RIF1: variants seen among roughly 807,000 people sequenced by gnomAD.
The protein encoded by RIF1 is telomere-associated protein RIF1.
Under a neutral mutation model 247.1 loss-of-function variants are expected in RIF1, and 45 were observed. That is an observed-to-expected ratio of 0.18 (90% CI 0.14 to 0.23). The LOEUF (loss-of-function observed/expected upper bound fraction) is 0.23, where lower values mean the gene tolerates loss of function less well. Ranked by LOEUF, RIF1 falls within the 10% of genes least tolerant of loss-of-function variation. The pLI is 1.00. For synonymous variants in RIF1, 1,087 were observed against 978.8 expected (o/e 1.11, Z -2.06); for missense variants, 2,967 against 2,862.5 (o/e 1.04, Z -0.83).
Position 151,468,038 on chromosome 2 carries a change from A to G in RIF1, c.6639A>G (p.Ala2213=). 3 of 1,613,762 alleles carry G rather than the reference A, an allele frequency of 1.9e-6. No homozygotes were observed. Among genetic ancestry groups the G allele is most frequent in the Non-Finnish European group, 2.5e-6 (3 of 1,179,838 alleles). Residue 2213 remains alanine, a synonymous_variant, in exon 31 of 36, where the codon GCA becomes GCG. Transcript: ENST00000444746. ...RVSFADPIYQ[A]GLADDIDRRC... The stretch of plus-strand genomic sequence containing the variant: ...CCTTTGCAGATCCAATATACCAAGC[A>G]GGATTGGCAGATGACATTGATAGAC...
intron 34 of RIF1, among the ~76,000 whole-genome samples, chr2:151,473,625 A>C (rs2048749652): frequency 6.6e-6 from 1 of 152,120 alleles, no homozygotes; most frequent in Non-Finnish European, 1.5e-5. Context: ...ATTTTATTTA[A>C]GCTTGGAAAT....
At chr2:151,520,571 A>G in the RIF1 span, among the ~76,000 whole-genome samples, 262 of 152,320 alleles carry the variant, frequency 1.7e-3, 2 homozygotes, top group South Asian at 0.031. Context: ...TAAAATATCT[A>G]AAGAGGATGA....
intron 6 of RIF1, 78 bp from the exon 7 acceptor site, chr2:151,420,112 C>G: frequency 8.2e-7 from 1 of 1,226,568 alleles, no homozygotes; most frequent in Non-Finnish European, 1.2e-6. Context: ...GTGTATATTT[C>G]TGTTTCACCT....
the RIF1 span, among the ~76,000 whole-genome samples, chr2:151,529,872 G>A: frequency 6.6e-6 from 1 of 152,104 alleles, no homozygotes; most frequent in African/African-American, 2.4e-5. Flanking sequence ...GAAAGGACCA[G>A]TTGGAACCCT....
rs750606871 is a variant in RIF1 at position 151,465,472 on chromosome 2, G to C, written c.5952G>C (p.Leu1984Phe). The C allele has an allele frequency of 5.0e-6, 8 of 1,613,992 alleles. 1 individual carries two copies. Among genetic ancestry groups the C allele is most frequent in the South Asian group, 4.4e-5 (4 of 91,064 alleles). ...CTGATAATACTACACCTGTAAAATT[G>C]AATGCTCAAACTGAGATTTCTGAAC... Reference protein sequence around the residue: ...SLSDNTTPVKLNAQTEISEQT... With the variant: ...SLSDNTTPVKFNAQTEISEQT... Residue 1984 changes from leucine (L) to phenylalanine (F), a missense_variant, in exon 30 of 36, where the codon TTG becomes TTC. Transcript: ENST00000444746.
intron 6 of RIF1, among the ~76,000 whole-genome samples, chr2:151,418,883 A>G (rs917144044): frequency 3.3e-5 from 5 of 152,110 alleles, no homozygotes; most frequent in African/African-American, 1.2e-4. Context: ...TCAAAAAAAA[A>G]AAGAATACTT....
chr2:151,516,588 TA>T, the RIF1 span: 1 of 1,454,166 alleles, frequency 6.9e-7, no homozygotes. Flanking sequence ...CCATGTTAGA[TA>T]TCTCTCCTCT....
At chr2:151,424,706 A>T (rs4494741) in intron 8 of RIF1, among the ~76,000 whole-genome samples, 1 of 151,372 alleles carries the variant, frequency 6.6e-6, no homozygotes, top group African/African-American at 2.4e-5. Context: ...GGCTCTATCT[A>T]TCACCCAGGC....
At chr2:151,485,899 G>A, downstream of RIF1, 1 of 1,613,948 alleles carries the variant, frequency 6.2e-7, no homozygotes, top group Non-Finnish European at 8.5e-7. Flanking sequence ...ATCTGCATCA[G>A]CAGCCATATA....
At chr2:151,458,012 A>G (rs1695484332) in intron 24 of RIF1, 49 bp downstream of exon 24, 1 of 1,289,428 alleles carries the variant, frequency 7.8e-7, no homozygotes, top group Non-Finnish European at 1.1e-6. Context: ...TGTTGTGATC[A>G]TATAAATTGA....
Position 151,455,079 on chromosome 2 carries a change from G to T in RIF1, c.2529G>T (p.Gly843=). ...SITGIISSVL[G]HISLPSMIRK... is the part of the protein sequence containing the mutation. ...CCGGCATTATTTCCAGTGTACTTGGGCATATTTCTTTGCCTTCTATGATCC... is the reference window on the plus strand; with the variant it reads ...CCGGCATTATTTCCAGTGTACTTGGTCATATTTCTTTGCCTTCTATGATCC... The change falls in exon 22 of 36, where the codon GGG becomes GGT. Residue 843 remains glycine (G), a synonymous_variant. Transcript: ENST00000444746. 6.2e-7 allele frequency: 1 copy of T among 1,613,412 alleles called. No homozygotes were observed. Among genetic ancestry groups the T allele is most frequent in the South Asian group, 1.1e-5 (1 of 91,056 alleles).
intron 35 of RIF1, among the ~76,000 whole-genome samples, 167 bp from the exon 36 acceptor site, chr2:151,474,687 AAGC>A (rs2048841639): frequency 6.6e-6 from 1 of 152,118 alleles, no homozygotes; most frequent in Non-Finnish European, 1.5e-5. Flanking sequence ...TAATAATAAT[AAGC>A]AGCAGCGGCA....
At chr2:151,517,127 C>T in the RIF1 span, among the ~76,000 whole-genome samples, 1 of 152,146 alleles carries the variant, frequency 6.6e-6, no homozygotes, top group African/African-American at 2.4e-5. Context: ...AACTAGTTTA[C>T]ATATTGACTG....
rs189674251 is a variant in RIF1 at position 151,481,772 on chromosome 2, C to G, written c.*6701C>G. 1 of 152,238 alleles carries G rather than the reference C, an allele frequency of 6.6e-6. No homozygotes were observed. The highest frequency in any genetic ancestry group is 1.5e-5 in the Non-Finnish European group (1 of 68,048). The allele number at this position is 152,238 out of a possible 1,614,324, so 9.4% of individuals were successfully genotyped here. ...ACCCCTGGGTGGCATTAGATTCTTA[C>G]AGGAGCGTGAACCCTATTGTGAACT... On this transcript the variant is annotated 3_prime_UTR_variant, in exon 36 of 36. Transcript: ENST00000444746.
chr2:151,520,853 G>T, the RIF1 span, among the ~76,000 whole-genome samples: 3 of 150,314 alleles, frequency 2.0e-5, no homozygotes, highest in East Asian at 5.8e-4. Flanking sequence ...AACAGAGCAA[G>T]ACCCTGTCTC....
At chr2:151,427,108 T>G (rs987357967) in intron 8 of RIF1, among the ~76,000 whole-genome samples, 2 of 152,190 alleles carry the variant, frequency 1.3e-5, no homozygotes, top group African/African-American at 4.8e-5. Flanking sequence ...TATAGCCTGT[T>G]AAGATTATAT....
In RIF1 at chr2:151,465,885, A is replaced by G. The variant is rs1696801115; in HGVS notation, c.6365A>G (p.Glu2122Gly). ...CACCATACTTCACAGAAAGTGGAGG[A>G]ACCATCACAGTGTCTGGCATCTGGA... ...EDHHTSQKVEEPSQCLASGTA... is the reference protein window; with the variant it reads ...EDHHTSQKVEGPSQCLASGTA... Residue 2122 changes from glutamate to glycine, a missense_variant, in exon 30 of 36, where the codon GAA becomes GGA. By Grantham distance (98) the Glu-to-Gly change is moderately conservative. Transcript: ENST00000444746. The G allele has an allele frequency of 6.2e-7, 1 of 1,613,744 alleles. No individual in the cohort carries two copies. Among genetic ancestry groups the G allele is most frequent in the African/African-American group, 1.3e-5 (1 of 74,930 alleles).
At position 151,445,319 on chromosome 2, in the gene RIF1, A is replaced by G. The variant is rs776166545; in HGVS notation, c.1987-19A>G. On this transcript the variant is annotated intron_variant, in intron 18 of 35. Coordinates refer to ENST00000444746, the MANE Select transcript of RIF1 (RefSeq NM_018151.5). Reference sequence around the variant, plus strand: ...ATAAGATGGTAATTTGTCTAACTTCATTATTTTTCTTGTTTTAGACCAATG... The same window carrying G: ...ATAAGATGGTAATTTGTCTAACTTCGTTATTTTTCTTGTTTTAGACCAATG... The G allele has an allele frequency of 5.9e-6, 8 of 1,360,748 alleles. No homozygotes were observed. In the East Asian group the frequency reaches 1.6e-4, roughly 27 times the overall value. The allele number at this position is 1,360,748 out of a possible 1,614,324, so 84.3% of individuals were successfully genotyped here.
intron 11 of RIF1, 103 bp downstream of exon 11, chr2:151,435,683 T>C: frequency 3.2e-6 from 2 of 631,314 alleles, no homozygotes; most frequent in Non-Finnish European, 5.6e-6. Flanking sequence ...GAGGTTTTGC[T>C]CAGTGTTTTT....
Sources: gnomAD v4.1 joint callset for allele counts (sites outside exome capture counted in the v4.1 genomes callset) on GRCh38, gnomAD v4.1.1 for gene constraint, MANE v1.5 for transcripts, NCBI Gene and HGNC (gene_info 2026-07-23, HGNC 2026-07-21) for gene names.